PLXNA2: variants seen among roughly 807,000 people sequenced by gnomAD.
PLXNA2 encodes plexin-A2.
A neutral mutation model predicts 193.5 loss-of-function variants in PLXNA2; 91 were observed. That is an observed-to-expected ratio of 0.47 (90% confidence interval 0.40 to 0.56). The LOEUF (loss-of-function observed/expected upper bound fraction) is 0.56, where lower values mean the gene tolerates loss of function less well. PLXNA2 is among the 20% of genes least tolerant of loss of function. The pLI is 0.00. For missense variants in PLXNA2, 1,995 were observed against 2,503.2 expected (o/e 0.80, Z 4.33); for synonymous variants, 997 against 1,027.3 (o/e 0.97, Z 0.56).
At chr1:208,191,978 G>A (rs1423859790) in intron 3 of PLXNA2, among the ~76,000 whole-genome samples, 1 of 152,162 alleles carries the variant, frequency 6.6e-6, no homozygotes, top group Non-Finnish European at 1.5e-5. Context: ...CTCCCTGAGT[G>A]GACTCCCTCC....
rs747697246 is a variant in PLXNA2, at chr1:208,051,464, G to A, written c.2994-41C>T. On this transcript the variant is annotated intron_variant, in intron 15 of 31. Transcript: ENST00000367033. ...CAGGAGGGTTGAGAAGAAAGGCATGGGCAACAAGAGGTGCCCACTGGCTTG... is the reference window on the plus strand; with the variant it reads ...CAGGAGGGTTGAGAAGAAAGGCATGAGCAACAAGAGGTGCCCACTGGCTTG... 27 of 1,562,278 alleles carry A rather than the reference G, an allele frequency of 1.7e-5. 1 individual carries two copies. The highest frequency in any genetic ancestry group is 2.3e-5 in the Non-Finnish European group (26 of 1,149,064).
Position 208,186,708 on chromosome 1 carries a change from A to ATTTTTTTTT in PLXNA2, c.1371+23571_1371+23572insAAAAAAAAA, listed in dbSNP as rs368056918. On this transcript the variant is annotated intron_variant, in intron 3 of 31. Transcript: ENST00000367033. ...GGGCTGTCCTGGGAATTGCAATGTT[A>ATTTTTTTTT]TTTTATTTTTTTTTTTTTTTTTGAG... Among the ~76,000 whole-genome samples the ATTTTTTTTT allele has an allele frequency of 1.6e-3, 179 of 111,694 alleles. 7 individuals carry two copies. Among genetic ancestry groups the ATTTTTTTTT allele is most frequent in the African/African-American group, 4.9e-3 (162 of 33,230 alleles). The allele number at this position is 111,694 out of a possible 152,430, so 73.3% of individuals were successfully genotyped here. A position where few individuals can be genotyped will look rare whatever the true frequency, so the allele number is the denominator to read the frequency against.
chr1:208,201,302 G>A (rs1670546096), intron 3 of PLXNA2, among the ~76,000 whole-genome samples: 1 of 152,192 alleles, frequency 6.6e-6, no homozygotes, highest in Non-Finnish European at 1.5e-5. Context: ...AGTTAATTCT[G>A]CGAAGCTACA....
chr1:208,195,706 T>C (rs1459393941), intron 3 of PLXNA2, among the ~76,000 whole-genome samples: 1 of 151,764 alleles, frequency 6.6e-6, no homozygotes, highest in East Asian at 1.9e-4. Flanking sequence ...AATGGACTAA[T>C]GCTAATACAC....
intron 3 of PLXNA2, among the ~76,000 whole-genome samples, chr1:208,155,620 G>T (rs1668914529): frequency 6.6e-6 from 1 of 152,204 alleles, no homozygotes; most frequent in South Asian, 2.1e-4. Context: ...CAAAGAAGCG[G>T]AGGTGAGGAT....
At chr1:208,094,012 C>A (rs1666796070) in intron 8 of PLXNA2, among the ~76,000 whole-genome samples, 1 of 152,194 alleles carries the variant, frequency 6.6e-6, no homozygotes, top group Non-Finnish European at 1.5e-5. Flanking sequence ...GGCTCACAGG[C>A]CATAGTATGT....
chr1:208,211,982 A>C (rs1670971783), intron 2 of PLXNA2, among the ~76,000 whole-genome samples: 2 of 152,214 alleles, frequency 1.3e-5, no homozygotes. Context: ...GAGTGCTCTG[A>C]CATGGCCCAG....
chr1:208,058,530 AG>A (rs910833907), intron 13 of PLXNA2, among the ~76,000 whole-genome samples: 2 of 152,172 alleles, frequency 1.3e-5, no homozygotes, highest in Admixed American at 6.5e-5. Flanking sequence ...CCCGGGATGG[AG>A]GCTTTAATGA....
At position 208,031,592 on chromosome 1, in the gene PLXNA2, G is replaced by C; in HGVS notation, c.5223C>G (p.Asn1741Lys). Reference protein sequence around the residue: ...DTDVRHTWKSNCLPLRFWVNV... With the variant: ...DTDVRHTWKSKCLPLRFWVNV... ...TGCTGAGCTCCCCGAGGGTTTACCA[G>C]TTGCTTTTCCAGGTGTGCCGCACAT... Residue 1741 changes from asparagine to lysine, a missense_variant and splice_region_variant, in exon 29 of 32, where the codon AAC becomes AAG. Coordinates refer to ENST00000367033, the MANE Select transcript of PLXNA2 (RefSeq NM_025179.4). 6.2e-7 allele frequency: 1 copy of C among 1,614,086 alleles called. No homozygotes were observed. Among genetic ancestry groups the C allele is most frequent in the Non-Finnish European group, 8.5e-7 (1 of 1,180,004 alleles).
intron 3 of PLXNA2, among the ~76,000 whole-genome samples, chr1:208,173,630 A>C (rs531024171): frequency 1.3e-5 from 2 of 152,226 alleles, no homozygotes; most frequent in Admixed American, 6.5e-5. Context: ...CCAAGCTGTC[A>C]TATCTGTCCA....
At chr1:208,131,254 C>T (rs139741481) in intron 4 of PLXNA2, among the ~76,000 whole-genome samples, 2 of 152,174 alleles carry the variant, frequency 1.3e-5, no homozygotes, top group African/African-American at 4.8e-5. Flanking sequence ...GTGCCGCTCT[C>T]GACACCTCTG....
intron 27 of PLXNA2, 31 bp from the exon 28 acceptor site, chr1:208,033,540 A>T: frequency 6.5e-7 from 1 of 1,547,120 alleles, no homozygotes; most frequent in Non-Finnish European, 8.8e-7. Flanking sequence ...GAGGGCTGTG[A>T]GTAACAGTCA....
At chr1:208,055,234 A>G (rs1219060739) in intron 13 of PLXNA2, among the ~76,000 whole-genome samples, 1 of 152,166 alleles carries the variant, frequency 6.6e-6, no homozygotes, top group East Asian at 1.9e-4. Flanking sequence ...AGCGAAAGTC[A>G]CGTCTCACAC....
intron 3 of PLXNA2, among the ~76,000 whole-genome samples, chr1:208,143,195 G>A (rs1009573693): frequency 2.6e-5 from 4 of 152,230 alleles, no homozygotes; most frequent in Non-Finnish European, 5.9e-5. Context: ...CAATCTCTGT[G>A]GGTGGGGCCC....
intron 1 of PLXNA2, among the ~76,000 whole-genome samples, chr1:208,237,598 G>GT (rs1243202321): frequency 1.3e-5 from 2 of 152,300 alleles, no homozygotes; most frequent in East Asian, 3.9e-4. Context: ...ACGGGTAGCT[G>GT]TGAGAGGCTG....
chr1:208,050,709 G>T (rs1665229374), intron 17 of PLXNA2, among the ~76,000 whole-genome samples: 1 of 151,970 alleles, frequency 6.6e-6, no homozygotes, highest in South Asian at 2.1e-4. Flanking sequence ...TGCGCCTGTG[G>T]TCCTAGCTAC....
intron 13 of PLXNA2, among the ~76,000 whole-genome samples, chr1:208,055,410 G>A (rs900675882): frequency 1.3e-4 from 20 of 151,982 alleles, no homozygotes; most frequent in African/African-American, 3.1e-4. Flanking sequence ...GGCAGCTGAG[G>A]ATGGGGAGAG....
intron 18 of PLXNA2, 33 bp from the exon 19 acceptor site, chr1:208,045,243 T>C (rs1425079535): frequency 1.2e-6 from 2 of 1,606,266 alleles, no homozygotes. Flanking sequence ...TAGGCATAAT[T>C]GACACATGCA....
intron 1 of PLXNA2, among the ~76,000 whole-genome samples, chr1:208,229,849 G>T (rs980712591): frequency 3.3e-5 from 5 of 152,210 alleles, no homozygotes; most frequent in Admixed American, 2.0e-4. Context: ...GGTGAGGGAA[G>T]TCCCCTTGGA....
Sources: gnomAD v4.1 joint callset for allele counts (sites outside exome capture counted in the v4.1 genomes callset) on GRCh38, gnomAD v4.1.1 for gene constraint, MANE v1.5 for transcripts, NCBI Gene and HGNC (gene_info 2026-07-23, HGNC 2026-07-21) for gene names.